CAPN7: variants seen among roughly 807,000 people sequenced by gnomAD.
The protein encoded by CAPN7 is calpain 7.
In CAPN7, 72 loss-of-function variants were observed where a neutral mutation model predicts 115.2. That is an observed-to-expected ratio of 0.63 (90% CI 0.52 to 0.76). The LOEUF (loss-of-function observed/expected upper bound fraction) is 0.76, where lower values mean the gene tolerates loss of function less well. CAPN7 is among the 30% of genes least tolerant of loss of function. The pLI is 0.00. For synonymous variants in CAPN7, 344 were observed against 322.3 expected (o/e 1.07, Z -0.72); for missense variants, 905 against 971.5 (o/e 0.93, Z 0.91).
At chr3:15,219,737 C>G (rs1253525253) in intron 4 of CAPN7, among the ~76,000 whole-genome samples, 1 of 152,128 alleles carries the variant, frequency 6.6e-6, no homozygotes, top group East Asian at 1.9e-4. Flanking sequence ...ATATATGCAC[C>G]TCAGGTTAAG....
chr3:15,247,443 G>A lies in CAPN7; in HGVS notation c.2190G>A (p.Glu730=). The change falls in exon 19 of 21, where the codon GAG becomes GAA. Residue 730 remains glutamate, a synonymous_variant. Transcript: ENST00000253693. Reference sequence around the variant, plus strand: ...AAAAGACTGGGCCGTTACTGATTGAGCTACGAGGACCAAGGTTTGTGATGA... The same window carrying A: ...AAAAGACTGGGCCGTTACTGATTGAACTACGAGGACCAAGGTTTGTGATGA... ...HIEKTGPLLI[E]LRGPRQYSVG... is the part of the protein sequence containing the mutation. The A allele has an allele frequency of 6.3e-7, 1 of 1,599,672 alleles. No homozygotes were observed. The highest frequency in any genetic ancestry group is 8.5e-7 in the Non-Finnish European group (1 of 1,175,526).
At chr3:15,228,291 A>G (rs1317675345) in intron 7 of CAPN7, among the ~76,000 whole-genome samples, 1 of 152,232 alleles carries the variant, frequency 6.6e-6, no homozygotes, top group African/African-American at 2.4e-5. Context: ...GTAATTATTC[A>G]AAATCAATTT....
intron 16 of CAPN7, among the ~76,000 whole-genome samples, chr3:15,243,292 G>A (rs1695461437): frequency 6.6e-6 from 1 of 152,174 alleles, no homozygotes; most frequent in Non-Finnish European, 1.5e-5. Context: ...ATGAGGTTCT[G>A]TACACCACAG....
intron 14 of CAPN7, 28 bp downstream of exon 14, chr3:15,240,881 C>A: frequency 7.6e-7 from 1 of 1,323,036 alleles, no homozygotes; most frequent in Non-Finnish European, 1.1e-6. Flanking sequence ...GCAGAGTATG[C>A]TTTATAATAG....
At chr3:15,241,073 C>T (rs548537155) in intron 14 of CAPN7, among the ~76,000 whole-genome samples, 106 of 152,212 alleles carry the variant, frequency 7.0e-4, no homozygotes, top group South Asian at 4.2e-3. Flanking sequence ...GGCATTGTGG[C>T]GCACACTTGT....
chr3:15,229,842 A>G lies in CAPN7; in HGVS notation c.939-600A>G, dbSNP rs115156680. Among the ~76,000 whole-genome samples the G allele has an allele frequency of 2.6e-3, 390 of 152,282 alleles. 4 individuals carry two copies. Among genetic ancestry groups the G allele is most frequent in the African/African-American group, 8.7e-3 (361 of 41,576 alleles). ...TACTTTTTCAGTTTTTAAAAGATAC[A>G]TTAGCTTAAAATCATTCATTGCAAA... is the stretch of plus-strand genomic sequence containing the variant. On this transcript the variant is annotated intron_variant, in intron 8 of 20. Transcript: ENST00000253693.
chr3:15,216,492 A>G (rs1443812366), intron 2 of CAPN7, among the ~76,000 whole-genome samples: 2 of 152,152 alleles, frequency 1.3e-5, no homozygotes, highest in Non-Finnish European at 2.9e-5. Flanking sequence ...TTATTGTTGA[A>G]TTTTAAGAGA....
chr3:15,242,003 A>G (rs892504327), intron 15 of CAPN7, among the ~76,000 whole-genome samples, 175 bp from the exon 16 acceptor site: 3 of 152,234 alleles, frequency 2.0e-5, no homozygotes, highest in African/African-American at 7.2e-5. Flanking sequence ...TTAAAATGAC[A>G]ATTTAATTCA....
At chr3:15,240,243 T>A (rs528798818) in intron 12 of CAPN7, among the ~76,000 whole-genome samples, 1 of 152,332 alleles carries the variant, frequency 6.6e-6, no homozygotes, top group South Asian at 2.1e-4. Context: ...TTATATAATT[T>A]TAACTTAACT....
intron 11 of CAPN7, among the ~76,000 whole-genome samples, chr3:15,234,813 G>A (rs1349052292): frequency 6.6e-6 from 1 of 151,548 alleles, no homozygotes; most frequent in African/African-American, 2.4e-5. Flanking sequence ...TAGGTTTCTG[G>A]TTTAGAATTA....
chr3:15,208,453 ATTTTT>A (rs1218217326), intron 1 of CAPN7, among the ~76,000 whole-genome samples: 1 of 126,154 alleles, frequency 7.9e-6, no homozygotes. Flanking sequence ...CACTTGGCTA[ATTTTT>A]TTTTTTTTTT....
At chr3:15,244,752 A>G (rs1383824044) in intron 16 of CAPN7, among the ~76,000 whole-genome samples, 1 of 152,202 alleles carries the variant, frequency 6.6e-6, no homozygotes, top group Non-Finnish European at 1.5e-5. Flanking sequence ...TTGTAATAAC[A>G]AAATATTGAA....
At chr3:15,213,021 C>T (rs1374148755) in intron 2 of CAPN7, among the ~76,000 whole-genome samples, 1 of 152,242 alleles carries the variant, frequency 6.6e-6, no homozygotes, top group Middle Eastern at 3.4e-3. Flanking sequence ...AAAAACAAGG[C>T]GGTTTACTTT....
At chr3:15,232,492 A>G in intron 9 of CAPN7, 27 bp from the exon 10 acceptor site, 3 of 1,573,178 alleles carry the variant, frequency 1.9e-6, no homozygotes, top group Non-Finnish European at 1.7e-6. Flanking sequence ...TTGTGCACCT[A>G]AGAAGGTTAA....
chr3:15,234,829 C>T (rs1484821254), intron 11 of CAPN7, among the ~76,000 whole-genome samples, 196 bp from the exon 12 acceptor site: 1 of 146,446 alleles, frequency 6.8e-6, no homozygotes, highest in East Asian at 1.9e-4. Context: ...AATTAAGTTG[C>T]CAGAAACTTA....
chr3:15,231,001 T>TA (rs1417074659), intron 9 of CAPN7, among the ~76,000 whole-genome samples: 1 of 152,216 alleles, frequency 6.6e-6, no homozygotes, highest in African/African-American at 2.4e-5. Context: ...AACTCTGTTA[T>TA]AAGGGCCTTG....
chr3:15,229,597 A>T (rs1167855740), intron 8 of CAPN7, among the ~76,000 whole-genome samples: 1 of 121,214 alleles, frequency 8.2e-6, no homozygotes, highest in Non-Finnish European at 1.7e-5. Flanking sequence ...TTTGGAGACA[A>T]AGAATTTCGC....
chr3:15,210,596 C>CTTTTTTTTTTTTTTTTTTTTTTTTTTT (rs371169868), intron 1 of CAPN7, among the ~76,000 whole-genome samples: 2 of 104,490 alleles, frequency 1.9e-5, no homozygotes, highest in African/African-American at 6.1e-5. Flanking sequence ...TGCTTCCTTC[C>CTTTTTTTTTTTTTTTTTTTTTTTTTTT]TTTTTTTTTT....
intron 3 of CAPN7, 99 bp from the exon 4 acceptor site, chr3:15,218,374 A>G (rs1693766281): frequency 2.7e-6 from 2 of 732,652 alleles, no homozygotes; most frequent in Admixed American, 4.6e-5. Context: ...AATTTCAGCA[A>G]GTGTAATATG....
Sources: allele counts gnomAD v4.1 joint callset (sites outside exome capture counted in the v4.1 genomes callset), GRCh38; gene constraint gnomAD v4.1.1; transcripts MANE v1.5; gene names NCBI Gene and HGNC (gene_info 2026-07-23, HGNC 2026-07-21).